PDE10A: variants seen among roughly 807,000 people sequenced by gnomAD.
PDE10A encodes phosphodiesterase 10A.
Under a neutral mutation model 97.7 loss-of-function variants are expected in PDE10A, and 39 were observed. The ratio of observed to expected loss-of-function variants is 0.40; its 90% CI spans 0.31 to 0.52. The LOEUF (loss-of-function observed/expected upper bound fraction) is 0.52. Ranked by LOEUF, PDE10A falls within the 20% of genes least tolerant of loss-of-function variation. The probability of loss-of-function intolerance (pLI) is 0.56; values close to 1 mark genes in which losing one functional copy is unlikely to be tolerated. For synonymous variants in PDE10A, 371 were observed against 376.8 expected (o/e 0.98, Z 0.18); for missense variants, 731 against 1,047.8 (o/e 0.70, Z 4.17).
intron 1 of PDE10A, among the ~76,000 whole-genome samples, chr6:165,594,451 A>C (rs1786466191): frequency 6.6e-6 from 1 of 152,210 alleles, no homozygotes; most frequent in Non-Finnish European, 1.5e-5. Flanking sequence ...ATATATTATA[A>C]TACTGAATAG....
intron 10 of PDE10A, among the ~76,000 whole-genome samples, chr6:165,427,664 A>G (rs920952048): frequency 2.6e-5 from 4 of 152,150 alleles, no homozygotes; most frequent in South Asian, 2.1e-4. Flanking sequence ...ACTTCAATAA[A>G]GCTGTTTTTA....
At chr6:165,559,566 TCC>T (rs1784423582) in intron 1 of PDE10A, among the ~76,000 whole-genome samples, 1 of 152,200 alleles carries the variant, frequency 6.6e-6, no homozygotes, top group Admixed American at 6.5e-5. Flanking sequence ...CATTAATAAA[TCC>T]CTTCTTTATT....
At chr6:165,689,055 G>T (rs1791200670) in intron 1 of PDE10A, among the ~76,000 whole-genome samples, 1 of 152,194 alleles carries the variant, frequency 6.6e-6, no homozygotes, top group Non-Finnish European at 1.5e-5. Flanking sequence ...GCTTATGCAG[G>T]ATATAAATGG....
At chr6:165,485,921 C>T (rs1459993846) in intron 2 of PDE10A, among the ~76,000 whole-genome samples, 3 of 152,182 alleles carry the variant, frequency 2.0e-5, no homozygotes, top group African/African-American at 4.8e-5. Context: ...TGGCTAACTG[C>T]GTTGCTGAAG....
At chr6:165,664,488 T>C (rs1242596598), upstream of PDE10A, among the ~76,000 whole-genome samples, 1 of 152,188 alleles carries the variant, frequency 6.6e-6, no homozygotes, top group African/African-American at 2.4e-5. Context: ...ATTCTGAGTG[T>C]CGCGTGTAAC....
chr6:165,691,203 C>CCACACACACACACA (rs1241239698), intron 1 of PDE10A, among the ~76,000 whole-genome samples: 1 of 108,598 alleles, frequency 9.2e-6, no homozygotes, highest in African/African-American at 4.5e-5. Context: ...CTCTCTCTCC[C>CCACACACACACACA]CACACACACA....
chr6:165,727,916 GA>G (rs1792338780), intron 1 of PDE10A, among the ~76,000 whole-genome samples: 1 of 151,946 alleles, frequency 6.6e-6, no homozygotes, highest in South Asian at 2.1e-4. Flanking sequence ...AGGAGGAAAG[GA>G]AAAAAAGAAA....
At chr6:165,564,683 C>A (rs1397001878) in intron 1 of PDE10A, among the ~76,000 whole-genome samples, 1 of 152,152 alleles carries the variant, frequency 6.6e-6, no homozygotes, top group East Asian at 1.9e-4. Context: ...CCATTTTCTG[C>A]GAGTAAATTT....
At chr6:165,472,372 A>G (rs992808514) in intron 3 of PDE10A, among the ~76,000 whole-genome samples, 6 of 152,054 alleles carry the variant, frequency 3.9e-5, no homozygotes, top group Non-Finnish European at 8.8e-5. Flanking sequence ...TTTTTCTGAA[A>G]TAGATTGCCA....
At chr6:165,458,902 G>C (rs747233149) in intron 3 of PDE10A, among the ~76,000 whole-genome samples, 5 of 152,024 alleles carry the variant, frequency 3.3e-5, no homozygotes, top group Non-Finnish European at 7.4e-5. Flanking sequence ...TCCCAAAAAT[G>C]TCCTATAAAG....
intron 1 of PDE10A, among the ~76,000 whole-genome samples, chr6:165,646,023 A>G (rs1414327740): frequency 1.3e-5 from 2 of 152,220 alleles, no homozygotes; most frequent in Non-Finnish European, 2.9e-5. Context: ...CAAGACAAAC[A>G]GCAGGTCAAA....
chr6:165,352,004 C>T (rs1776605885), intron 18 of PDE10A, among the ~76,000 whole-genome samples: 2 of 152,038 alleles, frequency 1.3e-5, no homozygotes, highest in South Asian at 4.2e-4. Context: ...TAGGTGCCTG[C>T]CACCACTCCC....
intron 1 of PDE10A, among the ~76,000 whole-genome samples, chr6:165,774,310 A>C (rs1778099567): frequency 6.6e-6 from 1 of 152,056 alleles, no homozygotes; most frequent in African/African-American, 2.4e-5. Flanking sequence ...TTGCAATAAT[A>C]GAAATTACTT....
At chr6:165,793,893 G>A (rs1279849840) in intron 1 of PDE10A, among the ~76,000 whole-genome samples, 1 of 152,178 alleles carries the variant, frequency 6.6e-6, no homozygotes. Context: ...CAGGTACTGG[G>A]ATTGGCACTT....
At chr6:165,441,602 C>T (rs752926954) in intron 5 of PDE10A, among the ~76,000 whole-genome samples, 1 of 152,256 alleles carries the variant, frequency 6.6e-6, no homozygotes, top group South Asian at 2.1e-4. Flanking sequence ...TATTTCAATG[C>T]TAAACTACTT....
chr6:165,707,686 CAT>C (rs996920137), intron 1 of PDE10A, among the ~76,000 whole-genome samples: 25 of 151,352 alleles, frequency 1.7e-4, no homozygotes, highest in Admixed American at 2.6e-4. Flanking sequence ...CGTATGTGAG[CAT>C]GTGTGTGAGT....
At chr6:165,531,634 C>G (rs753515820) in intron 2 of PDE10A, among the ~76,000 whole-genome samples, 1 of 152,082 alleles carries the variant, frequency 6.6e-6, no homozygotes, top group Non-Finnish European at 1.5e-5. Context: ...ACAGTATTTA[C>G]AAGAACAATG....
At position 165,898,033 on chromosome 6, in the gene PDE10A, C is replaced by T. The variant is rs546867524; in HGVS notation, c.-615+89496G>A. Among the ~76,000 whole-genome samples the T allele has an allele frequency of 8.1e-4, 123 of 151,628 alleles. No individual in the cohort carries two copies. In the Middle Eastern group the frequency reaches 0.017, roughly 21 times the overall value. ...TAACCCACCCCCTTGTACAAGCTGC[C>T]TCCCACATCGTGGCAAGGGCTCCCC... is the stretch of plus-strand genomic sequence containing the variant. On this transcript the variant is annotated intron_variant, in intron 1 of 19. Transcript: ENST00000366882.
intron 1 of PDE10A, among the ~76,000 whole-genome samples, chr6:165,615,273 T>G (rs754299366): frequency 2.6e-5 from 4 of 152,044 alleles, no homozygotes; most frequent in African/African-American, 4.8e-5. Context: ...AATAACTAAT[T>G]CAATTCCATT....
Sources: allele counts gnomAD v4.1 joint callset (sites outside exome capture counted in the v4.1 genomes callset), GRCh38; gene constraint gnomAD v4.1.1; transcripts MANE v1.5; gene names NCBI Gene and HGNC (gene_info 2026-07-23, HGNC 2026-07-21).